The following GABRG3 variants were observed in gnomAD, a reference collection of about 807,000 sequenced individuals.
The protein encoded by GABRG3 is gamma-aminobutyric acid receptor subunit gamma-3.
Under a neutral mutation model 48.8 loss-of-function variants are expected in GABRG3, and 25 were observed. That is an observed-to-expected ratio of 0.51 (90% CI 0.37 to 0.72). The LOEUF (loss-of-function observed/expected upper bound fraction) is 0.72, where lower values mean the gene tolerates loss of function less well. Ranked by LOEUF, GABRG3 falls within the 30% of genes least tolerant of loss-of-function variation. The pLI is 0.00. For synonymous variants in GABRG3, 227 were observed against 217.6 expected, an observed-to-expected ratio of 1.04 and a Z score of -0.38; for missense variants, 394 against 577.9, an observed-to-expected ratio of 0.68 and a Z score of 3.26.
intron 3 of GABRG3, among the ~76,000 whole-genome samples, chr15:27,144,031 AC>A (rs1898153087): frequency 1.3e-5 from 2 of 152,226 alleles, no homozygotes; most frequent in Non-Finnish European, 2.9e-5. Flanking sequence ...AATATTAAGA[AC>A]CCTAACAGTT....
chr15:27,445,454 T>C (rs1888915542), intron 5 of GABRG3, among the ~76,000 whole-genome samples: 1 of 152,228 alleles, frequency 6.6e-6, no homozygotes. Flanking sequence ...CATCTTTTTA[T>C]GTGTTTATTG....
intron 6 of GABRG3, among the ~76,000 whole-genome samples, chr15:27,517,914 A>G (rs1281431434): frequency 6.6e-6 from 1 of 152,152 alleles, no homozygotes; most frequent in African/African-American, 2.4e-5. Context: ...TTTCTTGGTA[A>G]ATGATATCAA....
At chr15:27,197,318 G>A (rs374812104) in intron 3 of GABRG3, among the ~76,000 whole-genome samples, 2 of 152,058 alleles carry the variant, frequency 1.3e-5, no homozygotes, top group African/African-American at 4.8e-5. Flanking sequence ...TTAGCTACCC[G>A]CTTCTGCCCC....
intron 3 of GABRG3, among the ~76,000 whole-genome samples, chr15:27,198,959 C>T: frequency 6.6e-6 from 1 of 151,660 alleles, no homozygotes; most frequent in East Asian, 1.9e-4. Context: ...AACCTATGGG[C>T]ACAGAGAGGG....
intron 3 of GABRG3, among the ~76,000 whole-genome samples, chr15:27,038,183 A>ACAAGTCTAAGACTGGGAAGTC (rs984090863): frequency 1.4e-5 from 2 of 145,246 alleles, no homozygotes; most frequent in South Asian, 4.8e-4. Flanking sequence ...TTTATTGCAC[A>ACAAGTCTAAGACTGGGAAGTC]CAAGTCTAAG....
Position 27,326,964 on chromosome 15 carries a change from C to T in GABRG3, c.426C>T (p.His142=), listed in dbSNP as rs200775140. 122 of 1,614,058 alleles carry T rather than the reference C, an allele frequency of 7.6e-5. No individual in the cohort carries two copies. The Middle Eastern group carries it at 8.2e-4, about 11-fold the overall frequency. ...IFRNSKTAEA[H]WITTPNQLLR... is the part of the protein sequence containing the mutation. The stretch of plus-strand genomic sequence containing the variant: ...GCAATTCTAAAACCGCAGAGGCTCA[C>T]TGGATCACCACACCCAATCAGCTCC... The change falls in exon 4 of 10, where the codon CAC becomes CAT. Residue 142 remains histidine, a synonymous_variant. Coordinates refer to ENST00000615808, the MANE Select transcript of GABRG3 (RefSeq NM_033223.5).
chr15:27,343,683 C>T (rs755562968), intron 5 of GABRG3, among the ~76,000 whole-genome samples: 4 of 152,166 alleles, frequency 2.6e-5, no homozygotes, highest in Non-Finnish European at 4.4e-5. Flanking sequence ...GGGTGGTTAG[C>T]TCATTAATGA....
intron 5 of GABRG3, among the ~76,000 whole-genome samples, chr15:27,462,903 A>G (rs1363519473): frequency 6.6e-6 from 1 of 152,202 alleles, no homozygotes; most frequent in South Asian, 2.1e-4. Context: ...CAATAAAAAC[A>G]CTATGTATTA....
At position 27,423,702 on chromosome 15, in the gene GABRG3, C is replaced by T. The variant is rs577592096; in HGVS notation, c.575-56948C>T. On this transcript the variant is annotated intron_variant, in intron 5 of 9. Coordinates refer to ENST00000615808, the MANE Select transcript of GABRG3 (RefSeq NM_033223.5). ...CTGGGACTACAGTCTTGCACCACCA[C>T]ACCTGGCTTTTTCTTTTCCTTTTTT... is the stretch of plus-strand genomic sequence containing the variant. Among the ~76,000 whole-genome samples the T allele has an allele frequency of 3.2e-4, 47 of 148,324 alleles. 1 individual carries two copies. The South Asian group carries it at 9.7e-3, about 31-fold the overall frequency.
intron 5 of GABRG3, chr15:27,365,053 C>G (rs929813383): frequency 6.6e-6 from 1 of 152,166 alleles, no homozygotes; most frequent in Non-Finnish European, 1.5e-5. Flanking sequence ...TACACACACT[C>G]ACACAGATAA....
chr15:27,137,201 G>T (rs1400515105), intron 3 of GABRG3, among the ~76,000 whole-genome samples: 3 of 152,160 alleles, frequency 2.0e-5, no homozygotes, highest in Non-Finnish European at 4.4e-5. Context: ...CACTCCCACG[G>T]TTAGTCTTTG....
chr15:27,161,889 T>G (rs1159577178), intron 3 of GABRG3, among the ~76,000 whole-genome samples: 1 of 152,182 alleles, frequency 6.6e-6, no homozygotes, highest in Non-Finnish European at 1.5e-5. Flanking sequence ...ATGTGAAACC[T>G]AATGCAGCTG....
chr15:27,380,006 G>A (rs966593053), intron 5 of GABRG3, among the ~76,000 whole-genome samples: 2 of 149,890 alleles, frequency 1.3e-5, no homozygotes, highest in African/African-American at 4.9e-5. Flanking sequence ...TTTTACTTCT[G>A]GTATTCCCAT....
chr15:27,492,767 G>A (rs895787567), intron 6 of GABRG3, among the ~76,000 whole-genome samples: 3 of 152,224 alleles, frequency 2.0e-5, no homozygotes, highest in African/African-American at 7.2e-5. Context: ...CACTTTGTGC[G>A]TGTAAAGGCT....
intron 3 of GABRG3, among the ~76,000 whole-genome samples, chr15:27,278,056 AT>A (rs11367885): frequency 0.048 from 6,917 of 144,082 alleles, 383 homozygotes; most frequent in African/African-American, 0.14. Context: ...AGCTCGATGC[AT>A]TTTTTTTTTT....
chr15:27,078,749 A>G (rs1896948288), intron 3 of GABRG3, among the ~76,000 whole-genome samples: 1 of 152,200 alleles, frequency 6.6e-6, no homozygotes, highest in Non-Finnish European at 1.5e-5. Flanking sequence ...TGAGGACCAT[A>G]TTAAGGGCTC....
At chr15:27,181,884 G>A (rs1887943323) in intron 3 of GABRG3, among the ~76,000 whole-genome samples, 1 of 151,778 alleles carries the variant, frequency 6.6e-6, no homozygotes, top group South Asian at 2.1e-4. Flanking sequence ...ATCCAGTTCT[G>A]TACACGAGAA....
At chr15:27,038,501 C>G (rs1896217843) in intron 3 of GABRG3, among the ~76,000 whole-genome samples, 2 of 152,100 alleles carry the variant, frequency 1.3e-5, no homozygotes, top group African/African-American at 4.8e-5. Flanking sequence ...CCTGTGGACA[C>G]TGGTGCTGCT....
intron 3 of GABRG3, among the ~76,000 whole-genome samples, chr15:27,313,309 T>TATATATATATAC (rs1566779284): frequency 1.0e-5 from 1 of 95,454 alleles, no homozygotes; most frequent in African/African-American, 4.1e-5. Context: ...TATATATATA[T>TATATATATATAC]ACCCAACATC....
Sources: gnomAD v4.1 joint callset for allele counts (sites outside exome capture counted in the v4.1 genomes callset) on GRCh38, gnomAD v4.1.1 for gene constraint, MANE v1.5 for transcripts, NCBI Gene and HGNC (gene_info 2026-07-23, HGNC 2026-07-21) for gene names.